The following MEI4 variants were observed in gnomAD, a reference collection of about 807,000 sequenced individuals.
MEI4 encodes the protein meiosis-specific protein MEI4.
Under a neutral mutation model 31.4 loss-of-function variants are expected in MEI4, and 27 were observed. The observed-to-expected ratio is 0.86, with a 90% CI of 0.63 to 1.19. The LOEUF (loss-of-function observed/expected upper bound fraction) is 1.19. Among genes scored for constraint, MEI4 ranks in the 50% most tolerant of loss-of-function variants. The pLI is 0.00. For synonymous variants in MEI4, 122 were observed against 145.4 expected (o/e 0.84, Z 1.16); for missense variants, 329 against 398.9 (o/e 0.82, Z 1.49).
Position 77,923,295 on chromosome 6 carries a change from G to A in MEI4, c.1107G>A (p.Trp369Ter), listed in dbSNP as rs1462496117. ...DAFPLFTFYLWRVGILLSSAQ... is the reference protein window; with the variant it reads ...DAFPLFTFYL ...TTCCTTTGTTTACTTTTTATTTATG[G>A]AGAGTGGGCATTCTTTTGAGCTCAG... The change falls in exon 5 of 5, where the codon TGG (tryptophan) becomes TGA (stop). Residue 369 changes from tryptophan (W) to a stop codon, truncating the protein, a stop_gained. Coordinates refer to ENST00000684080, the MANE Select transcript of MEI4 (RefSeq NM_001322247.2). LOFTEE classifies it high-confidence loss of function. 8.1e-7 allele frequency: 1 copy of A among 1,230,118 alleles called. No individual in the cohort carries two copies. The highest frequency in any genetic ancestry group is 1.0e-6 in the Non-Finnish European group (1 of 986,590). The allele number at this position is 1,230,118 out of a possible 1,614,324, so 76.2% of individuals were successfully genotyped here. A position where few individuals can be genotyped will look rare whatever the true frequency, so the allele number is the denominator to read the frequency against.
intron 3 of MEI4, among the ~76,000 whole-genome samples, chr6:77,766,281 C>G (rs908232018): frequency 3.3e-5 from 5 of 152,138 alleles, no homozygotes; most frequent in African/African-American, 1.2e-4. Context: ...TGTTGCATCT[C>G]TGATATAGCA....
chr6:77,819,923 T>G (rs1441617005), intron 3 of MEI4, among the ~76,000 whole-genome samples: 1 of 152,176 alleles, frequency 6.6e-6, no homozygotes, highest in African/African-American at 2.4e-5. Flanking sequence ...TTCAAGAACT[T>G]TTAGCTTTTA....
At chr6:77,782,911 T>C (rs1228640579) in intron 3 of MEI4, among the ~76,000 whole-genome samples, 2 of 152,208 alleles carry the variant, frequency 1.3e-5, no homozygotes. Context: ...ACTACAGTAA[T>C]TGGCAACCAT....
chr6:77,655,306 T>C (rs751710178), intron 1 of MEI4, among the ~76,000 whole-genome samples: 4 of 152,196 alleles, frequency 2.6e-5, no homozygotes, highest in Non-Finnish European at 5.9e-5. Flanking sequence ...AGTTTATCAT[T>C]GATGGGCATT....
chr6:77,714,225 C>T (rs959615973), intron 2 of MEI4, among the ~76,000 whole-genome samples: 2 of 132,286 alleles, frequency 1.5e-5, no homozygotes, highest in Non-Finnish European at 3.5e-5. Context: ...ACCTATGTAA[C>T]ACTTAAAAAT....
rs67267765 is a variant in MEI4 at position 77,811,773 on chromosome 6, C to CA, written c.769-17142dup. On this transcript the variant is annotated intron_variant, in intron 3 of 4. Coordinates refer to ENST00000684080, the MANE Select transcript of MEI4 (RefSeq NM_001322247.2). ...CTGGCGACAAAGTGAAACTCCGTCT[C>CA]AAAAAAAAAAAAAAAATTGATACTT... Among the ~76,000 whole-genome samples, 798 of 126,848 alleles carry CA rather than the reference C, an allele frequency of 6.3e-3. 7 individuals are homozygous for CA. The highest frequency in any genetic ancestry group is 0.047 in the Middle Eastern group (11 of 234). 83.2% of individuals were successfully genotyped at this position (126,848 alleles called of 152,430 possible). A position where few individuals can be genotyped will look rare whatever the true frequency, so the allele number is the denominator to read the frequency against.
chr6:77,728,411 A>G (rs995276884), intron 2 of MEI4, among the ~76,000 whole-genome samples: 9 of 152,218 alleles, frequency 5.9e-5, no homozygotes, highest in African/African-American at 1.7e-4. Flanking sequence ...GGTTATATGC[A>G]TGTTCATTTG....
Position 77,888,454 on chromosome 6 carries a change from C to G in MEI4, c.901-34635C>G, listed in dbSNP as rs184456032. 2.6e-5 allele frequency among the ~76,000 whole-genome samples: 4 copies of G among 151,328 alleles called. No individual in the cohort carries two copies. In the East Asian group the frequency reaches 7.8e-4, roughly 29 times the overall value. On this transcript the variant is annotated intron_variant, in intron 4 of 4. Transcript: ENST00000684080. ...GCTCTACCCTGAGTTTAATATCTTCCTGTTTCCATGGTGATGTATATTGGC... is the reference window on the plus strand; with the variant it reads ...GCTCTACCCTGAGTTTAATATCTTCGTGTTTCCATGGTGATGTATATTGGC...
intron 4 of MEI4, among the ~76,000 whole-genome samples, chr6:77,834,063 C>T (rs1262688237): frequency 6.6e-6 from 1 of 151,980 alleles, no homozygotes; most frequent in East Asian, 1.9e-4. Context: ...TAAAGAATAC[C>T]AACTTAGCTC....
chr6:77,866,533 C>G (rs573388887), intron 4 of MEI4, among the ~76,000 whole-genome samples: 2 of 152,248 alleles, frequency 1.3e-5, no homozygotes, highest in East Asian at 1.9e-4. Flanking sequence ...TGTGAAGGAC[C>G]TCTTGAAGGA....
intron 3 of MEI4, among the ~76,000 whole-genome samples, chr6:77,763,949 G>T (rs1768105243): frequency 6.6e-6 from 1 of 152,070 alleles, no homozygotes. Context: ...TAGTAACTGG[G>T]ACTACAGGTG....
chr6:77,909,582 C>T (rs1306522391), intron 4 of MEI4, among the ~76,000 whole-genome samples: 1 of 151,988 alleles, frequency 6.6e-6, no homozygotes, highest in Non-Finnish European at 1.5e-5. Context: ...TACCAACCAA[C>T]AAAAGTCCAG....
At chr6:77,774,850 A>T (rs1447996141) in intron 3 of MEI4, among the ~76,000 whole-genome samples, 2 of 152,136 alleles carry the variant, frequency 1.3e-5, no homozygotes, top group Non-Finnish European at 2.9e-5. Context: ...ACAAATTACC[A>T]CAAACTAGTG....
chr6:77,886,476 G>A (rs1232089274), intron 4 of MEI4, among the ~76,000 whole-genome samples: 1 of 151,496 alleles, frequency 6.6e-6, no homozygotes, highest in African/African-American at 2.4e-5. Flanking sequence ...TGTTGCCCAA[G>A]CTGGAGTGCA....
At chr6:77,758,023 G>T (rs942984127) in intron 2 of MEI4, among the ~76,000 whole-genome samples, 4 of 151,950 alleles carry the variant, frequency 2.6e-5, no homozygotes, top group African/African-American at 7.2e-5. Flanking sequence ...GGGTGTGGTG[G>T]CATGTGCCTG....
chr6:77,836,451 A>AG (rs941407406), intron 4 of MEI4, among the ~76,000 whole-genome samples: 2 of 152,146 alleles, frequency 1.3e-5, no homozygotes, highest in Non-Finnish European at 2.9e-5. Flanking sequence ...GCATATTAGC[A>AG]GGAGAAATCT....
chr6:77,701,318 T>C (rs927400243), intron 2 of MEI4, among the ~76,000 whole-genome samples: 2 of 152,148 alleles, frequency 1.3e-5, no homozygotes, highest in Non-Finnish European at 2.9e-5. Context: ...GTTTCTAAAC[T>C]GGACTAGGGA....
rs76314421 is a variant in MEI4 at position 77,882,541 on chromosome 6, T to C, written c.901-40548T>C. 6.0e-3 allele frequency among the ~76,000 whole-genome samples: 917 copies of C among 152,318 alleles called. 7 individuals carry two copies. Among genetic ancestry groups the C allele is most frequent in the African/African-American group, 0.02 (831 of 41,566 alleles). ...TGCTCTCAATTTTCACTTTTAGGAA[T>C]GTCCCTTCTTAGCATTTTGTCCTCT... On this transcript the variant is annotated intron_variant, in intron 4 of 4. Transcript: ENST00000684080.
intron 2 of MEI4, among the ~76,000 whole-genome samples, chr6:77,759,551 T>G (rs1767998749): frequency 6.6e-6 from 1 of 152,208 alleles, no homozygotes; most frequent in African/African-American, 2.4e-5. Flanking sequence ...TTTTATCTTT[T>G]TACTATTTCA....
Sources: gnomAD v4.1 joint callset for allele counts (sites outside exome capture counted in the v4.1 genomes callset) on GRCh38, gnomAD v4.1.1 for gene constraint, MANE v1.5 for transcripts, NCBI Gene and HGNC (gene_info 2026-07-23, HGNC 2026-07-21) for gene names.